The following SRGAP3 variants were observed in gnomAD, a reference collection of about 807,000 sequenced individuals.
SRGAP3 encodes the protein SLIT-ROBO Rho GTPase-activating protein 3.
Under a neutral mutation model 121.1 loss-of-function variants are expected in SRGAP3, and 39 were observed. That is an observed-to-expected ratio of 0.32 (90% CI 0.25 to 0.42). The LOEUF (loss-of-function observed/expected upper bound fraction) is 0.42. Among genes scored for constraint, SRGAP3 ranks in the 10% least tolerant of loss-of-function variants. SRGAP3 has a pLI of 1.00. For synonymous variants in SRGAP3, 601 were observed against 570.0 expected (o/e 1.05, Z -0.77); for missense variants, 1,213 against 1,470.6 (o/e 0.82, Z 2.86).
At chr3:9,129,157 T>C (rs1233347467) in intron 1 of SRGAP3, among the ~76,000 whole-genome samples, 1 of 152,146 alleles carries the variant, frequency 6.6e-6, no homozygotes, top group African/African-American at 2.4e-5. Context: ...CTTCAACTCT[T>C]GGGCTCAAGC....
Position 8,992,958 on chromosome 3 carries a change from G to A in SRGAP3, c.2506C>T (p.Gln836Ter). The A allele has an allele frequency of 6.2e-7, 1 of 1,614,230 alleles. No individual in the cohort carries two copies. Among genetic ancestry groups the A allele is most frequent in the Non-Finnish European group, 8.5e-7 (1 of 1,180,046 alleles). Residue 836 changes from glutamine (Q) to a stop codon, truncating the protein, a stop_gained, in exon 20 of 22, where the codon CAG (glutamine) becomes TAG (stop). Coordinates refer to ENST00000383836, the MANE Select transcript of SRGAP3 (RefSeq NM_014850.4). LOFTEE classifies it high-confidence loss of function. The stretch of plus-strand genomic sequence containing the variant: ...TCCGAGATGTGCTCCGTGGGGGACT[G>A]GAGGTCGTTTTTGGAAGAGGCCTTG... Reference protein sequence around the residue: ...DDKASSKNDLQSPTEHISDYG... With the variant: ...DDKASSKNDL
intron 2 of SRGAP3, among the ~76,000 whole-genome samples, chr3:9,122,378 T>C (rs1464788007): frequency 1.3e-5 from 2 of 152,182 alleles, no homozygotes; most frequent in Non-Finnish European, 2.9e-5. Flanking sequence ...GTGAATGTTA[T>C]TAATAGAGGC....
intron 1 of SRGAP3, among the ~76,000 whole-genome samples, chr3:9,229,107 C>T (rs950186554): frequency 6.6e-6 from 1 of 151,076 alleles, no homozygotes; most frequent in Admixed American, 6.6e-5. Flanking sequence ...TCTACTTACT[C>T]CTCCCCAAAT....
chr3:9,302,194 G>A (rs1011073211), intron 3 of SRGAP3, among the ~76,000 whole-genome samples: 1 of 152,196 alleles, frequency 6.6e-6, no homozygotes, highest in Non-Finnish European at 1.5e-5. Flanking sequence ...TGCTGGGTAA[G>A]GGGAGGCCAA....
chr3:9,142,828 C>CATTTTTT (rs1949901475), intron 1 of SRGAP3, among the ~76,000 whole-genome samples: 1 of 63,422 alleles, frequency 1.6e-5, no homozygotes, highest in Non-Finnish European at 3.4e-5. Context: ...TGGGCAATTT[C>CATTTTTT]CTTTTTTTTT....
rs1238087585 is a variant in SRGAP3 at position 8,983,433 on chromosome 3, T to C, written c.*2086A>G. ...ACTGTGGGGTGTCAAGTCCAGTCCT[T>C]CAGACGAGGTAGTGGCTTTACCCTC... On this transcript the variant is annotated 3_prime_UTR_variant, in exon 22 of 22. Coordinates refer to ENST00000383836, the MANE Select transcript of SRGAP3 (RefSeq NM_014850.4). The C allele has an allele frequency of 8.7e-6, 2 of 229,504 alleles. No homozygotes were observed. Among genetic ancestry groups the C allele is most frequent in the South Asian group, 1.8e-4 (1 of 5,488 alleles). 14.2% of individuals were successfully genotyped at this position (229,504 alleles called of 1,614,324 possible). A position where few individuals can be genotyped will look rare whatever the true frequency, so the allele number is the denominator to read the frequency against.
intron 3 of SRGAP3, among the ~76,000 whole-genome samples, chr3:9,083,957 T>C (rs1380906419): frequency 3.3e-5 from 5 of 152,176 alleles, no homozygotes; most frequent in African/African-American, 1.2e-4. Flanking sequence ...CAAAACAGTA[T>C]GGTCTAGATG....
intron 11 of SRGAP3, chr3:9,036,582 A>G (rs1944755467): frequency 7.2e-6 from 1 of 138,098 alleles, no homozygotes; most frequent in Non-Finnish European, 1.6e-5. Context: ...ACAAAACAAA[A>G]CAAAACAAAA....
chr3:9,282,391 C>G (rs1954695277), intron 3 of SRGAP3, among the ~76,000 whole-genome samples: 1 of 152,180 alleles, frequency 6.6e-6, no homozygotes, highest in Admixed American at 6.5e-5. Flanking sequence ...CATTGTTTTA[C>G]ATTTATGCAA....
At chr3:9,267,896 G>A (rs1335064860) in intron 3 of SRGAP3, among the ~76,000 whole-genome samples, 1 of 152,150 alleles carries the variant, frequency 6.6e-6, no homozygotes, top group Non-Finnish European at 1.5e-5. Context: ...TTATCTCAGG[G>A]AATCCCTATG....
chr3:9,349,443 G>C (rs1271406854), intron 1 of SRGAP3, among the ~76,000 whole-genome samples: 1 of 152,234 alleles, frequency 6.6e-6, no homozygotes, highest in East Asian at 1.9e-4. Flanking sequence ...AGCTCCTCTT[G>C]TCCAACAGAG....
At chr3:9,272,079 T>C (rs1954487802) in intron 3 of SRGAP3, among the ~76,000 whole-genome samples, 1 of 152,250 alleles carries the variant, frequency 6.6e-6, no homozygotes, top group Non-Finnish European at 1.5e-5. Flanking sequence ...TGTTTGGACA[T>C]TGTCCACTAC....
At chr3:9,017,232 T>C (rs1206083461) in intron 14 of SRGAP3, among the ~76,000 whole-genome samples, 2 of 152,062 alleles carry the variant, frequency 1.3e-5, no homozygotes, top group South Asian at 2.1e-4. Flanking sequence ...AGAACTAGAA[T>C]TTTTTTTCAT....
chr3:9,037,661 G>A (rs552677100), intron 11 of SRGAP3: 62 of 273,078 alleles, frequency 2.3e-4, no homozygotes, highest in Admixed American at 3.4e-4. Context: ...GCTGGGCCTC[G>A]CAGCATGGCT....
chr3:9,105,886 C>T (rs1948403220), intron 2 of SRGAP3, among the ~76,000 whole-genome samples: 1 of 152,180 alleles, frequency 6.6e-6, no homozygotes, highest in Non-Finnish European at 1.5e-5. Flanking sequence ...GCCTACCCTA[C>T]CTTAAACGTG....
rs1250215069 is a variant in SRGAP3 at position 9,028,644 on chromosome 3, A to C, written c.1540-1649T>G. Among the ~76,000 whole-genome samples the C allele has an allele frequency of 2.0e-5, 3 of 152,330 alleles. No homozygotes were observed. The South Asian group carries it at 6.2e-4, about 32-fold the overall frequency. The stretch of plus-strand genomic sequence containing the variant: ...TCTTGGTGAAAAGTTCAGTTCTAAC[A>C]AGATCATGTCTACAAGGTACCCTCT... On this transcript the variant is annotated intron_variant, in intron 12 of 21. Coordinates refer to ENST00000383836, the MANE Select transcript of SRGAP3 (RefSeq NM_014850.4).
At chr3:9,117,995 G>A (rs1948866039) in intron 2 of SRGAP3, among the ~76,000 whole-genome samples, 1 of 151,850 alleles carries the variant, frequency 6.6e-6, no homozygotes, top group African/African-American at 2.4e-5. Context: ...TTTCAGATGT[G>A]GTGGCATGTA....
chr3:9,287,983 C>G (rs1954804437), intron 3 of SRGAP3, among the ~76,000 whole-genome samples: 1 of 151,998 alleles, frequency 6.6e-6, no homozygotes, highest in Non-Finnish European at 1.5e-5. Context: ...AATGTATGGA[C>G]AGGTATCTTT....
At chr3:9,150,953 A>C (rs1950190716) in intron 1 of SRGAP3, among the ~76,000 whole-genome samples, 1 of 152,232 alleles carries the variant, frequency 6.6e-6, no homozygotes, top group Non-Finnish European at 1.5e-5. Flanking sequence ...TCAACTCCAG[A>C]CTTTCTACAT....
Sources: gnomAD v4.1 joint callset for allele counts (sites outside exome capture counted in the v4.1 genomes callset) on GRCh38, gnomAD v4.1.1 for gene constraint, MANE v1.5 for transcripts, NCBI Gene and HGNC (gene_info 2026-07-23, HGNC 2026-07-21) for gene names.